Variants in PUS10 observed in about 807,000 individuals in gnomAD.
PUS10 encodes the protein tRNA pseudouridine synthase Pus10.
In PUS10, 59 loss-of-function variants were observed where a neutral mutation model predicts 75.0. That is an observed-to-expected ratio of 0.79 (90% CI 0.64 to 0.98). The LOEUF (loss-of-function observed/expected upper bound fraction) is 0.98. Ranked by LOEUF, PUS10 falls within the 50% of genes least tolerant of loss-of-function variation. PUS10 has a pLI of 0.00. For missense variants in PUS10, 650 were observed against 614.4 expected, an observed-to-expected ratio of 1.06 and a Z score of -0.61; for synonymous variants, 219 against 211.6, an observed-to-expected ratio of 1.03 and a Z score of -0.30.
At chr2:60,980,694 C>G (rs565202946) in intron 4 of PUS10, among the ~76,000 whole-genome samples, 2 of 152,178 alleles carry the variant, frequency 1.3e-5, no homozygotes, top group East Asian at 3.9e-4. Context: ...CACACATGAA[C>G]ACACAATAAA....
chr2:60,989,281 C>T (rs1209178534), intron 4 of PUS10, among the ~76,000 whole-genome samples: 2 of 152,122 alleles, frequency 1.3e-5, no homozygotes, highest in East Asian at 3.9e-4. Context: ...ATTCTCAGAT[C>T]CCCTACCCCA....
intron 4 of PUS10, among the ~76,000 whole-genome samples, chr2:60,985,862 C>G (rs1180597740): frequency 7.0e-6 from 1 of 143,028 alleles, no homozygotes; most frequent in Non-Finnish European, 1.5e-5. Flanking sequence ...TGGGTTTACT[C>G]TAGGTTGGGT....
In PUS10 at chr2:60,969,791, G is replaced by C. The variant is rs190699090; in HGVS notation, c.503+1732C>G. On this transcript the variant is annotated intron_variant, in intron 5 of 17. Coordinates refer to ENST00000316752, the MANE Select transcript of PUS10 (RefSeq NM_144709.4). ...AACTAAACTTAGTTTAAAATCCTTT[G>C]ATAAGAAATAAAAAGCCGGGAGCAG... Among the ~76,000 whole-genome samples the C allele has an allele frequency of 6.1e-3, 922 of 152,184 alleles. 11 individuals are homozygous for C. Among genetic ancestry groups the C allele is most frequent in the African/African-American group, 0.021 (890 of 41,536 alleles).
At chr2:61,004,248 T>A (rs941942157) in intron 4 of PUS10, among the ~76,000 whole-genome samples, 3 of 152,104 alleles carry the variant, frequency 2.0e-5, no homozygotes, top group Non-Finnish European at 2.9e-5. Context: ...AACAAATAAG[T>A]GGTTTAAAAA....
chr2:60,958,164 C>T (rs1176204424), intron 11 of PUS10, among the ~76,000 whole-genome samples: 3 of 152,148 alleles, frequency 2.0e-5, no homozygotes, highest in Admixed American at 2.0e-4. Context: ...TGACACTTGG[C>T]GTGACAGGTG....
In PUS10 at chr2:61,010,946, A is replaced by G. The variant is rs910369271; in HGVS notation, c.126+819T>C. On this transcript the variant is annotated intron_variant, in intron 2 of 17. Coordinates refer to ENST00000316752, the MANE Select transcript of PUS10 (RefSeq NM_144709.4). ...CCTAATCAGTTATTATGAGAATTAT[A>G]TAAGACCTTGACATATAGTAATGAT... 5.9e-6 allele frequency: 9 copies of G among 1,523,186 alleles called. No homozygotes were observed. The Admixed American group carries it at 7.9e-5, about 13-fold the overall frequency. 94.4% of individuals were successfully genotyped at this position (1,523,186 alleles called of 1,614,324 possible).
intron 15 of PUS10, among the ~76,000 whole-genome samples, chr2:60,949,567 T>G (rs543512289): frequency 4.8e-5 from 7 of 145,656 alleles, no homozygotes; most frequent in Non-Finnish European, 1.1e-4. Context: ...CTTGTTTTTG[T>G]TTTTTTTTTT....
intron 1 of PUS10, chr2:61,017,412 G>T: frequency 4.7e-6 from 1 of 211,222 alleles, no homozygotes; most frequent in Non-Finnish European, 9.4e-6. Context: ...AGTGCGTGCG[G>T]CTTTACTCCC....
rs114066307 is a variant in PUS10, at chr2:61,000,849, A to T, written c.468+5708T>A. 2.6e-3 allele frequency among the ~76,000 whole-genome samples: 401 copies of T among 152,312 alleles called. 1 individual carries two copies. Among genetic ancestry groups the T allele is most frequent in the African/African-American group, 9.3e-3 (386 of 41,560 alleles). The stretch of plus-strand genomic sequence containing the variant: ...CGCCAAGGTCTGATTTTTCACCAAA[A>T]AAATTTGCAATCTCCAGCATAAATG... On this transcript the variant is annotated intron_variant, in intron 4 of 17. Transcript: ENST00000316752.
intron 4 of PUS10, among the ~76,000 whole-genome samples, chr2:60,991,791 A>G (rs574523358): frequency 1.3e-3 from 192 of 152,314 alleles, no homozygotes; most frequent in Non-Finnish European, 2.2e-3. Flanking sequence ...CTGTTTAACA[A>G]TGTACTAGCG....
intron 4 of PUS10, among the ~76,000 whole-genome samples, chr2:60,975,647 A>G (rs1248954002): frequency 6.1e-5 from 9 of 148,068 alleles, no homozygotes; most frequent in Non-Finnish European, 1.3e-4. Flanking sequence ...ACTGAGACCT[A>G]TGGGACTTAG....
Position 60,967,502 on chromosome 2 carries a change from CT to C in PUS10, c.614del (p.Lys205ArgfsTer6). ...SEELGVPIDG[K>X]SLFEVSVVFA... ...ATTAACAATGCTGTTGACCCAATACCTTTCCATCAATGGGAACACCCAGTTC... is the reference window on the plus strand; with the variant it reads ...ATTAACAATGCTGTTGACCCAATACCTTCCATCAATGGGAACACCCAGTTC... On this transcript the variant is annotated frameshift_variant and splice_region_variant, in exon 6 of 18. Coordinates refer to ENST00000316752, the MANE Select transcript of PUS10 (RefSeq NM_144709.4). LOFTEE classifies it high-confidence loss of function. 1 of 1,563,692 alleles carries C rather than the reference CT, an allele frequency of 6.4e-7. No individual in the cohort carries two copies. The highest frequency in any genetic ancestry group is 8.8e-7 in the Non-Finnish European group (1 of 1,140,104).
chr2:60,946,617 T>C (rs754632972), intron 16 of PUS10, among the ~76,000 whole-genome samples: 2 of 152,184 alleles, frequency 1.3e-5, no homozygotes, highest in African/African-American at 4.8e-5. Flanking sequence ...GGAGTCTAAA[T>C]TGATCATCCT....
At chr2:61,003,631 AC>A (rs997415669) in intron 4 of PUS10, among the ~76,000 whole-genome samples, 2 of 149,324 alleles carry the variant, frequency 1.3e-5, no homozygotes, top group African/African-American at 2.5e-5. Context: ...TGCAGCTTCA[AC>A]CCCCCAGGTC....
In PUS10 at chr2:60,958,753, G is replaced by A. The variant is rs192982861; in HGVS notation, c.1000+1639C>T. On this transcript the variant is annotated intron_variant, in intron 11 of 17. Transcript: ENST00000316752. ...ACAAAAAAATTAGCCAGGCATGGTG[G>A]CACATGCCTGTAGTCCCAGCTACTT... Among the ~76,000 whole-genome samples the A allele has an allele frequency of 9.2e-5, 14 of 152,248 alleles. 1 individual carries two copies. The East Asian group carries it at 2.3e-3, about 25-fold the overall frequency.
intron 4 of PUS10, among the ~76,000 whole-genome samples, chr2:60,985,171 T>C (rs1324312995): frequency 6.6e-6 from 1 of 152,206 alleles, no homozygotes; most frequent in Non-Finnish European, 1.5e-5. Context: ...CTCAATTTAT[T>C]ATCAAATCAA....
At chr2:60,955,116 A>G in intron 11 of PUS10, 42 bp from the exon 12 acceptor site, 8 of 1,265,520 alleles carry the variant, frequency 6.3e-6, no homozygotes, top group South Asian at 2.6e-5. Flanking sequence ...GAGACATCAT[A>G]GCTCTAAGAT....
At chr2:61,008,187 G>A (rs1295167022) in intron 3 of PUS10, among the ~76,000 whole-genome samples, 1 of 151,936 alleles carries the variant, frequency 6.6e-6, no homozygotes, top group Non-Finnish European at 1.5e-5. Flanking sequence ...AGGAGTTCAA[G>A]ACCAGCACAG....
chr2:60,963,533 T>C (rs993160910), intron 8 of PUS10, among the ~76,000 whole-genome samples: 1 of 152,254 alleles, frequency 6.6e-6, no homozygotes, highest in African/African-American at 2.4e-5. Flanking sequence ...TTAGTGCATA[T>C]ATACATGGCT....
Sources: gnomAD v4.1 joint callset for allele counts (sites outside exome capture counted in the v4.1 genomes callset) on GRCh38, gnomAD v4.1.1 for gene constraint, MANE v1.5 for transcripts, NCBI Gene and HGNC (gene_info 2026-07-23, HGNC 2026-07-21) for gene names.